The following CELF3 variants were observed in gnomAD, a reference collection of about 807,000 sequenced individuals.
The protein encoded by CELF3 is CUGBP Elav-like family member 3.
CELF3 carries 26 observed loss-of-function variants against 59.6 expected under a neutral mutation model. The ratio of observed to expected loss-of-function variants is 0.44; its 90% CI spans 0.32 to 0.61. CELF3 has a LOEUF of 0.61. Ranked by LOEUF, CELF3 falls within the 20% of genes least tolerant of loss-of-function variation. The probability of loss-of-function intolerance (pLI) is 0.06; values close to 1 mark genes in which losing one functional copy is unlikely to be tolerated. For missense variants in CELF3, 387 were observed against 627.2 expected, an observed-to-expected ratio of 0.62 and a Z score of 4.09; for synonymous variants, 245 against 250.7, an observed-to-expected ratio of 0.98 and a Z score of 0.22.
intron 2 of CELF3, chr1:151,710,426 T>C (rs1037632080): frequency 1.6e-5 from 5 of 306,050 alleles, no homozygotes; most frequent in African/African-American, 8.8e-5. Flanking sequence ...GCGACCGTGG[T>C]GACGTCATCA....
In CELF3 at chr1:151,716,746, C is replaced by G; in HGVS notation, c.-726G>C. 1 of 453,008 alleles carries G rather than the reference C, an allele frequency of 2.2e-6. No individual in the cohort carries two copies. The highest frequency in any genetic ancestry group is 1.6e-5 in the South Asian group (1 of 63,506). 28.1% of individuals were successfully genotyped at this position (453,008 alleles called of 1,614,324 possible). The stretch of plus-strand genomic sequence containing the variant: ...TCCCGCCGCTGGGGCTGCCTGCTTT[C>G]CCGGTCACCTGGGTCCCGGAGCTCT... On this transcript the variant is annotated 5_prime_UTR_variant, in exon 1 of 13. Coordinates refer to ENST00000290583, the MANE Select transcript of CELF3 (RefSeq NM_007185.7).
chr1:151,710,731 C>G (rs1479838395), intron 2 of CELF3: 1 of 456,384 alleles, frequency 2.2e-6, no homozygotes, highest in Admixed American at 2.4e-5. Flanking sequence ...TCTAACCTCT[C>G]CCCGACCCCT....
At chr1:151,714,301 C>T (rs1450969769) in intron 2 of CELF3, 1 of 580,342 alleles carries the variant, frequency 1.7e-6, no homozygotes. Context: ...CACCTTCCAA[C>T]CAGCGAGTCC....
At position 151,709,124 on chromosome 1, in the gene CELF3, G is replaced by T; in HGVS notation, c.407-47C>A. On this transcript the variant is annotated intron_variant, in intron 4 of 12. Coordinates refer to ENST00000290583, the MANE Select transcript of CELF3 (RefSeq NM_007185.7). The surrounding 1 kb of genome is among the most constrained non-coding windows in gnomAD (Gnocchi z 4.9). The stretch of plus-strand genomic sequence containing the variant: ...AGGAGAGGGGTAAGCACCCATCCCT[G>T]CGGGACCCCGCGGTGGAACCCGATG... The T allele has an allele frequency of 6.2e-7, 1 of 1,606,984 alleles. No individual in the cohort carries two copies. Among genetic ancestry groups the T allele is most frequent in the Non-Finnish European group, 8.5e-7 (1 of 1,174,558 alleles).
In CELF3 at chr1:151,706,232, T is replaced by C; in HGVS notation, c.1118A>G (p.Gln373Arg). Residue 373 changes from glutamine (Q) to arginine (R), a missense_variant, in exon 10 of 13, where the codon CAA (glutamine) becomes CGA (arginine). Physicochemically the swap from Gln to Arg is conservative, Grantham distance 43 (BLOSUM62 1). Around this residue, in one of 3 missense-constraint regions of CELF3, gnomAD observed 131 missense variants for 153.7 expected, o/e 0.85. Transcript: ENST00000290583. ...QQQQQQQQQQ[Q>R]REGPDGCNIF... Reference sequence around the variant, plus strand: ...AAGGCCCCAGCCAGCACCTTCTCTTTGCTGCTGCTGCTGTTGCTGCTGCTG... The same window carrying C: ...AAGGCCCCAGCCAGCACCTTCTCTTCGCTGCTGCTGCTGTTGCTGCTGCTG... 1 of 1,604,372 alleles carries C rather than the reference T, an allele frequency of 6.2e-7. No homozygotes were observed. The highest frequency in any genetic ancestry group is 8.5e-7 in the Non-Finnish European group (1 of 1,176,144).
Position 151,703,286 on chromosome 1 carries a change from G to A in CELF3, c.*173C>T. 1 of 456,740 alleles carries A rather than the reference G, an allele frequency of 2.2e-6. No individual in the cohort carries two copies. The highest frequency in any genetic ancestry group is 4.4e-6 in the Non-Finnish European group (1 of 226,998). The allele number at this position is 456,740 out of a possible 1,614,324, so 28.3% of individuals were successfully genotyped here. A position where few individuals can be genotyped will look rare whatever the true frequency, so the allele number is the denominator to read the frequency against. On this transcript the variant is annotated 3_prime_UTR_variant, in exon 13 of 13. Coordinates refer to ENST00000290583, the MANE Select transcript of CELF3 (RefSeq NM_007185.7). ...AGGGAAGCATAGCCATGGCCCTTCA[G>A]AGAGGCAGGGGGGTGGGAGGGGCCG...
intron 2 of CELF3, chr1:151,711,279 C>T (rs1161018350): frequency 5.7e-6 from 1 of 174,814 alleles, no homozygotes; most frequent in African/African-American, 2.4e-5. Flanking sequence ...CACTTAGCGC[C>T]GAGAAGTGCA....
At chr1:151,714,292 A>G in intron 2 of CELF3, 1 of 577,112 alleles carries the variant, frequency 1.7e-6, no homozygotes, top group Non-Finnish European at 3.1e-6. Flanking sequence ...TTTTCCCCAC[A>G]CCTTCCAACC....
chr1:151,707,966 T>A (rs1404146215), intron 5 of CELF3, 31 bp from the exon 6 acceptor site: 1 of 1,587,288 alleles, frequency 6.3e-7, no homozygotes, highest in Admixed American at 1.7e-5. Flanking sequence ...AGGTCAGAGG[T>A]GCAGGGTCAG....
chr1:151,715,280 G>C (rs1375397851), intron 1 of CELF3, among the ~76,000 whole-genome samples: 3 of 151,942 alleles, frequency 2.0e-5, no homozygotes, highest in Admixed American at 6.6e-5. Flanking sequence ...CACAGCCCTT[G>C]GATAGGCCTG....
At chr1:151,706,758 G>A (rs1236350864) in intron 8 of CELF3, 24 bp from the exon 9 acceptor site, 2 of 1,524,798 alleles carry the variant, frequency 1.3e-6, no homozygotes, top group Non-Finnish European at 1.8e-6. Context: ...CACAGACTAT[G>A]AGCGTGGACC....
chr1:151,708,670 T>A (rs1672764971), intron 5 of CELF3, among the ~76,000 whole-genome samples: 1 of 150,050 alleles, frequency 6.7e-6, no homozygotes, highest in Admixed American at 6.7e-5. Flanking sequence ...TAAGCAAGTG[T>A]CCTGGCGCCC....
In CELF3 at chr1:151,715,537, C is replaced by A. The variant is rs537548360; in HGVS notation, c.145+339G>T. The stretch of plus-strand genomic sequence containing the variant: ...TGCTGCACACGCACACACACACACA[C>A]CCCTACCCAGCTGCTTATCTCCCAA... On this transcript the variant is annotated intron_variant, in intron 1 of 12. Transcript: ENST00000290583. The A allele has an allele frequency of 1.4e-3, 1,583 of 1,093,958 alleles. 5 individuals are homozygous for A. Among genetic ancestry groups the A allele is most frequent in the Middle Eastern group, 2.0e-3 (9 of 4,482 alleles). The allele number at this position is 1,093,958 out of a possible 1,614,324, so 67.8% of individuals were successfully genotyped here.
chr1:151,711,713 C>A (rs960025222), intron 2 of CELF3: 1 of 152,404 alleles, frequency 6.6e-6, no homozygotes, highest in African/African-American at 2.4e-5. Context: ...CTCACAGGCA[C>A]CTCCGCAGCC....
At chr1:151,704,888 C>T in intron 12 of CELF3, 143 bp downstream of exon 12, 1 of 843,546 alleles carries the variant, frequency 1.2e-6, no homozygotes, top group Admixed American at 2.5e-5. Context: ...GCCCCAGCCC[C>T]CTGCTTCAAG....
Position 151,709,053 on chromosome 1 carries a change from G to C in CELF3, c.431C>G (p.Thr144Ser). Residue 144 changes from threonine to serine, a missense_variant, in exon 5 of 13, where the codon ACC becomes AGC. Thr to Ser is a moderately conservative substitution (Grantham distance 58). This residue lies in a region of CELF3 where 208 missense variants were observed against 354.8 expected (regional missense o/e 0.59). Transcript: ENST00000290583. The surrounding 1 kb of genome is among the most constrained non-coding windows in gnomAD (Gnocchi z 4.9). Reference protein sequence around the residue: ...SKGCAFVKFQTHAEAQAAINT... With the variant: ...SKGCAFVKFQSHAEAQAAINT... ...GATGGCCGCCTGGGCCTCAGCGTGG[G>C]TCTGGAACTTCACGAAGGCGCAGCC... The C allele has an allele frequency of 1.2e-6, 2 of 1,613,980 alleles. No individual in the cohort carries two copies. The highest frequency in any genetic ancestry group is 1.7e-6 in the Non-Finnish European group (2 of 1,179,960).
Position 151,702,897 on chromosome 1 carries a change from C to A in CELF3, c.*562G>T. ...AGGCAGCCCTCAGGGCTCCCCCACA[C>A]CCTCCTTAGAGGGGGCCCTTGGGGG... On this transcript the variant is annotated 3_prime_UTR_variant, in exon 13 of 13. Coordinates refer to ENST00000290583, the MANE Select transcript of CELF3 (RefSeq NM_007185.7). 3.5e-6 allele frequency: 1 copy of A among 289,032 alleles called. No homozygotes were observed. The highest frequency in any genetic ancestry group is 3.4e-5 in the South Asian group (1 of 29,750). The allele number at this position is 289,032 out of a possible 1,614,324, so 17.9% of individuals were successfully genotyped here.
intron 2 of CELF3, 134 bp downstream of exon 2, chr1:151,714,460 G>A (rs1158308636): frequency 9.6e-6 from 7 of 731,926 alleles, no homozygotes; most frequent in Admixed American, 2.0e-5. Context: ...AAAGATGGAT[G>A]CTACAGAGAG....
At chr1:151,706,163 G>A in intron 10 of CELF3, 61 bp downstream of exon 10, 7 of 1,610,282 alleles carry the variant, frequency 4.3e-6, no homozygotes, top group Non-Finnish European at 5.9e-6. Flanking sequence ...AGCGCGGGGT[G>A]ACAGGGAGTC....
Sources: gnomAD v4.1 joint callset for allele counts (sites outside exome capture counted in the v4.1 genomes callset) on GRCh38, gnomAD v4.1.1 for gene constraint, gnomAD v4.1.1 regional missense constraint, Gnocchi (gnomAD v3.1) non-coding constraint, MANE v1.5 for transcripts, NCBI Gene and HGNC (gene_info 2026-07-23, HGNC 2026-07-21) for gene names.